The following NAV2 variants were observed in gnomAD, a reference collection of about 807,000 sequenced individuals.
The protein encoded by NAV2 is helicase, APC down-regulated 1.
A neutral mutation model predicts 223.2 loss-of-function variants in NAV2; 54 were observed. That is an observed-to-expected ratio of 0.24 (90% CI 0.19 to 0.30). The LOEUF (loss-of-function observed/expected upper bound fraction) is 0.30, where lower values mean the gene tolerates loss of function less well. Among genes scored for constraint, NAV2 ranks in the 10% least tolerant of loss-of-function variants. The probability of loss-of-function intolerance (pLI) is 1.00; values close to 1 mark genes in which losing one functional copy is unlikely to be tolerated. For missense variants in NAV2, 2,806 were observed against 3,147.5 expected, an observed-to-expected ratio of 0.89 and a Z score of 2.60; for synonymous variants, 1,279 against 1,239.3, an observed-to-expected ratio of 1.03 and a Z score of -0.67.
intron 1 of NAV2, among the ~76,000 whole-genome samples, chr11:19,534,681 A>T (rs73420145): frequency 0.074 from 11,319 of 152,264 alleles, 1,435 homozygotes; most frequent in African/African-American, 0.26. Flanking sequence ...AACTTGGAGC[A>T]GCAGGGCTCC....
intron 8 of NAV2, among the ~76,000 whole-genome samples, chr11:19,943,485 T>C (rs1284965248): frequency 6.6e-6 from 1 of 152,326 alleles, no homozygotes; most frequent in East Asian, 1.9e-4. Flanking sequence ...GTAAATTTCC[T>C]CCATGAAATC....
chr11:19,973,947 T>TG (rs1281270223), intron 10 of NAV2, among the ~76,000 whole-genome samples: 1 of 152,232 alleles, frequency 6.6e-6, no homozygotes, highest in Non-Finnish European at 1.5e-5. Context: ...TATGAGACCA[T>TG]GAGTCACTTG....
intron 6 of NAV2, among the ~76,000 whole-genome samples, chr11:19,928,598 T>C (rs779681346): frequency 2.0e-5 from 3 of 152,228 alleles, no homozygotes; most frequent in East Asian, 1.9e-4. Context: ...CTGGTTTTCA[T>C]AGGATACTAG....
chr11:19,442,308 T>C (rs1474260963), intron 1 of NAV2, among the ~76,000 whole-genome samples: 1 of 152,246 alleles, frequency 6.6e-6, no homozygotes, highest in Non-Finnish European at 1.5e-5. Context: ...CCCCTGCTCA[T>C]TGCCTGAGGC....
intron 4 of NAV2, among the ~76,000 whole-genome samples, chr11:19,875,911 C>T (rs1232376944): frequency 6.6e-6 from 1 of 152,166 alleles, no homozygotes; most frequent in Non-Finnish European, 1.5e-5. Context: ...GGGTGAAGAG[C>T]TCTGTGGTGG....
intron 1 of NAV2, chr11:19,384,896 A>T (rs993818538): frequency 4.6e-5 from 7 of 152,240 alleles, no homozygotes; most frequent in Non-Finnish European, 8.8e-5. Flanking sequence ...CTTTTGCAAG[A>T]ATGAGTGAAT....
chr11:19,581,371 G>T (rs2045712165), intron 1 of NAV2, among the ~76,000 whole-genome samples: 1 of 151,704 alleles, frequency 6.6e-6, no homozygotes. Context: ...TAAATTTAAG[G>T]TTTTTTTTAT....
chr11:19,364,891 G>A (rs1854174146), intron 1 of NAV2, among the ~76,000 whole-genome samples: 1 of 152,160 alleles, frequency 6.6e-6, no homozygotes, highest in Admixed American at 6.5e-5. Flanking sequence ...TCACAGATTT[G>A]TTTACTATGC....
intron 1 of NAV2, among the ~76,000 whole-genome samples, chr11:19,767,429 T>C (rs558439341): frequency 6.6e-6 from 1 of 152,324 alleles, no homozygotes; most frequent in South Asian, 2.1e-4. Context: ...TAGTGTTTTC[T>C]CCTACACAAT....
chr11:19,396,441 G>A (rs1849452143), intron 1 of NAV2, among the ~76,000 whole-genome samples: 1 of 152,192 alleles, frequency 6.6e-6, no homozygotes, highest in Non-Finnish European at 1.5e-5. Flanking sequence ...TCTACACAGT[G>A]TGCATTTTCT....
At chr11:20,112,851 G>A (rs2062754953) in intron 36 of NAV2, among the ~76,000 whole-genome samples, 1 of 152,222 alleles carries the variant, frequency 6.6e-6, no homozygotes, top group South Asian at 2.1e-4. Context: ...CTTCCCCTTG[G>A]AAAGACGTGG....
At chr11:20,116,002 A>G (rs1024370079) in intron 37 of NAV2, among the ~76,000 whole-genome samples, 2 of 152,238 alleles carry the variant, frequency 1.3e-5, no homozygotes, top group Non-Finnish European at 2.9e-5. Context: ...ACAGAGTCAC[A>G]CTGCTAAATT....
chr11:19,565,693 C>T (rs964278428), intron 1 of NAV2, among the ~76,000 whole-genome samples: 13 of 152,178 alleles, frequency 8.5e-5, no homozygotes. Context: ...ATGACTACTA[C>T]AGCCCACTCC....
chr11:19,836,860 C>T (rs1271714426), intron 2 of NAV2, among the ~76,000 whole-genome samples: 1 of 152,170 alleles, frequency 6.6e-6, no homozygotes. Flanking sequence ...CCCACTTCCT[C>T]ATTTGCAGAC....
intron 1 of NAV2, among the ~76,000 whole-genome samples, chr11:19,558,559 G>A (rs985071387): frequency 6.6e-6 from 1 of 152,202 alleles, no homozygotes; most frequent in Non-Finnish European, 1.5e-5. Context: ...CAGTGGCAGC[G>A]GACTGGACAG....
chr11:19,483,360 A>C (rs1452011065), intron 1 of NAV2, among the ~76,000 whole-genome samples: 1 of 152,236 alleles, frequency 6.6e-6, no homozygotes. Context: ...CCCATTGGTC[A>C]CTTGGTAGCT....
In NAV2 at chr11:19,746,940, G is replaced by A. The variant is rs189969021; in HGVS notation, c.267+32978G>A. ...AAATTTTAGGGTACATGTGCACAAC[G>A]TGCAGGTTAGTTACATATGTATACA... is the stretch of plus-strand genomic sequence containing the variant. On this transcript the variant is annotated intron_variant, in intron 1 of 37. Coordinates refer to ENST00000349880, the MANE Select transcript of NAV2 (RefSeq NM_145117.5). 3.8e-3 allele frequency among the ~76,000 whole-genome samples: 571 copies of A among 151,546 alleles called. 2 individuals are homozygous for A. Among genetic ancestry groups the A allele is most frequent in the Non-Finnish European group, 6.5e-3 (440 of 67,930 alleles).
At chr11:20,068,269 C>T in intron 21 of NAV2, 55 bp from the exon 22 acceptor site, 1 of 1,609,396 alleles carries the variant, frequency 6.2e-7, no homozygotes, top group South Asian at 1.1e-5. Context: ...TTTGACCCTG[C>T]TCACCTTGGA....
chr11:19,563,191 G>T (rs914874857), intron 1 of NAV2, among the ~76,000 whole-genome samples: 5 of 152,164 alleles, frequency 3.3e-5, no homozygotes, highest in Non-Finnish European at 7.3e-5. Context: ...TTGCTTAGAT[G>T]GACAAACCAA....
Sources: gnomAD v4.1 joint callset for allele counts (sites outside exome capture counted in the v4.1 genomes callset) on GRCh38, gnomAD v4.1.1 for gene constraint, MANE v1.5 for transcripts, NCBI Gene and HGNC (gene_info 2026-07-23, HGNC 2026-07-21) for gene names.